The following FBN2 variants were observed in gnomAD, a reference collection of about 807,000 sequenced individuals.
FBN2 encodes the protein fibrillin-2.
In FBN2, 105 loss-of-function variants were observed where a neutral mutation model predicts 355.6. The ratio of observed to expected loss-of-function variants is 0.30; its 90% CI spans 0.25 to 0.35. The LOEUF (loss-of-function observed/expected upper bound fraction) is 0.35, where lower values mean the gene tolerates loss of function less well. FBN2 is among the 10% of genes least tolerant of loss of function. The pLI, the probability that FBN2 is intolerant of heterozygous loss-of-function variation, is 1.00. For synonymous variants in FBN2, 1,350 were observed against 1,301.2 expected (o/e 1.04, Z -0.81); for missense variants, 3,280 against 3,758.7 (o/e 0.87, Z 3.33).
intron 7 of FBN2, 35 bp from the exon 8 acceptor site, chr5:128,408,834 A>T (rs1044288362): frequency 6.2e-7 from 1 of 1,612,970 alleles, no homozygotes; most frequent in Admixed American, 1.7e-5. Flanking sequence ...TGATTGAGAA[A>T]GGCCTTCATT....
intron 18 of FBN2, among the ~76,000 whole-genome samples, chr5:128,362,709 C>T (rs892767997): frequency 1.3e-5 from 2 of 152,150 alleles, no homozygotes; most frequent in African/African-American, 4.8e-5. Context: ...AGGTGATTCT[C>T]GCAGCTTGGT....
At chr5:128,436,382 G>C (rs1178887307) in intron 7 of FBN2, among the ~76,000 whole-genome samples, 1 of 152,034 alleles carries the variant, frequency 6.6e-6, no homozygotes, top group Non-Finnish European at 1.5e-5. Flanking sequence ...GTTTATAAAA[G>C]CATATATACT....
At position 128,312,737 on chromosome 5, in the gene FBN2, A is replaced by G. The variant is rs1238523514; in HGVS notation, c.4776T>C (p.Ser1592=). ...CGCCCACCCCGATCTCGGTGTTGCA[A>G]GACAGACTCCCATCTCCTCGAGGTC... is the stretch of plus-strand genomic sequence containing the variant. ...KFGPRGDGSL[S]CNTEIGVGVS... is the part of the protein sequence containing the mutation. Residue 1592 remains serine, a synonymous_variant, in exon 37 of 65, where the codon TCT becomes TCC. Transcript: ENST00000262464. 1 of 1,613,700 alleles carries G rather than the reference A, an allele frequency of 6.2e-7. No homozygotes were observed. The highest frequency in any genetic ancestry group is 2.2e-5 in the East Asian group (1 of 44,860).
chr5:128,431,196 G>C (rs1753617494), intron 7 of FBN2, among the ~76,000 whole-genome samples: 1 of 152,224 alleles, frequency 6.6e-6, no homozygotes. Context: ...CAAATTTATT[G>C]TTATCTTAGT....
intron 23 of FBN2, among the ~76,000 whole-genome samples, chr5:128,348,596 T>C (rs1751248402): frequency 1.3e-5 from 2 of 152,150 alleles, no homozygotes; most frequent in Admixed American, 6.5e-5. Flanking sequence ...TATTTATGCT[T>C]TGTCTACATG....
intron 25 of FBN2, among the ~76,000 whole-genome samples, chr5:128,339,431 GT>G (rs1206789187): frequency 6.6e-6 from 1 of 151,890 alleles, no homozygotes; most frequent in African/African-American, 2.4e-5. Context: ...CCTGGGCAAT[GT>G]AGGGAGACCC....
intron 15 of FBN2, 151 bp downstream of exon 15, chr5:128,374,477 T>C: frequency 9.3e-7 from 1 of 1,078,600 alleles, no homozygotes; most frequent in Non-Finnish European, 1.4e-6. Flanking sequence ...GTGACTGGCT[T>C]CTTTCACTTA....
intron 47 of FBN2, 115 bp from the exon 48 acceptor site, chr5:128,301,051 G>C (rs1749701847): frequency 4.3e-6 from 4 of 925,306 alleles, no homozygotes; most frequent in Non-Finnish European, 6.8e-6. Flanking sequence ...TGATCTACTG[G>C]GTCACCATGA....
chr5:128,309,229 C>G lies in FBN2; in HGVS notation c.5353+18G>C. ...TCACTGATGTGGCAGTCAGCAGATGCACGAGCCGTGTGCTTACCTGTTCCT... is the reference window on the plus strand; with the variant it reads ...TCACTGATGTGGCAGTCAGCAGATGGACGAGCCGTGTGCTTACCTGTTCCT... On this transcript the variant is annotated intron_variant, in intron 41 of 64. Transcript: ENST00000262464. The G allele has an allele frequency of 6.2e-7, 1 of 1,613,634 alleles. No individual in the cohort carries two copies.
chr5:128,395,424 C>T lies in FBN2; in HGVS notation c.1079-150G>A. On this transcript the variant is annotated intron_variant, in intron 8 of 64. Coordinates refer to ENST00000262464, the MANE Select transcript of FBN2 (RefSeq NM_001999.4). ...TTCTTCACTCTCTTAATATCTCAGA[C>T]ATTCATTGAGCCAGGGACAGAACAA... 5 of 886,134 alleles carry T rather than the reference C, an allele frequency of 5.6e-6. No individual in the cohort carries two copies. The Admixed American group carries it at 6.0e-5, about 11-fold the overall frequency. The allele number at this position is 886,134 out of a possible 1,614,324, so 54.9% of individuals were successfully genotyped here.
intron 8 of FBN2, among the ~76,000 whole-genome samples, chr5:128,405,965 C>T (rs571590769): frequency 5.3e-5 from 8 of 152,292 alleles, no homozygotes; most frequent in East Asian, 1.9e-4. Context: ...ACTCCCACGG[C>T]GACGTTTCTC....
At chr5:128,435,384 G>T (rs970958731) in intron 7 of FBN2, among the ~76,000 whole-genome samples, 2 of 152,204 alleles carry the variant, frequency 1.3e-5, no homozygotes, top group Admixed American at 6.5e-5. Context: ...CTTTTTAAAA[G>T]AATTTATTTA....
At chr5:128,380,974 T>G (rs1752218472) in intron 11 of FBN2, among the ~76,000 whole-genome samples, 1 of 151,674 alleles carries the variant, frequency 6.6e-6, no homozygotes. Flanking sequence ...TTATGGAGAA[T>G]GTTGATTATC....
chr5:128,522,316 G>T (rs59553087), intron 4 of FBN2, among the ~76,000 whole-genome samples: 5,873 of 152,128 alleles, frequency 0.039, 353 homozygotes, highest in African/African-American at 0.13. Context: ...AAAATTTCAC[G>T]GCATTTTTTC....
At chr5:128,503,240 G>A (rs1015599235) in intron 5 of FBN2, among the ~76,000 whole-genome samples, 2 of 152,202 alleles carry the variant, frequency 1.3e-5, no homozygotes, top group Non-Finnish European at 1.5e-5. Context: ...TCCCAGACAT[G>A]TGGAAATGTG....
intron 44 of FBN2, 98 bp downstream of exon 44, chr5:128,305,413 G>A: frequency 7.2e-7 from 1 of 1,395,402 alleles, no homozygotes; most frequent in South Asian, 1.2e-5. Flanking sequence ...CAGGTTAAGT[G>A]AGAAAATCTT....
Position 128,440,454 on chromosome 5 carries a change from A to C in FBN2, c.952+6027T>G, listed in dbSNP as rs374983497. Among the ~76,000 whole-genome samples, 80 of 152,298 alleles carry C rather than the reference A, an allele frequency of 5.3e-4. 1 individual carries two copies. The highest frequency in any genetic ancestry group is 1.9e-3 in the African/African-American group (77 of 41,568). On this transcript the variant is annotated intron_variant, in intron 7 of 64. Transcript: ENST00000262464. ...GCAGGCACCTGGCCAGAGCAGGAGA[A>C]AGAGAGACAGAAGGGGGAAGAGCTA...
At chr5:128,452,302 T>A (rs968478425) in intron 6 of FBN2, among the ~76,000 whole-genome samples, 1 of 152,174 alleles carries the variant, frequency 6.6e-6, no homozygotes, top group Non-Finnish European at 1.5e-5. Flanking sequence ...TTTCTTTAAA[T>A]TTTGAATTAT....
Position 128,464,710 on chromosome 5 carries a change from G to C in FBN2, c.826+14C>G, listed in dbSNP as rs1488356232. The C allele has an allele frequency of 6.2e-7, 1 of 1,611,536 alleles. No homozygotes were observed. Reference sequence around the variant, plus strand: ...AGGTCTGCGATGGTGTGCACAGGCAGACAGCTGACTCACCTTGGCAAGCTC... The same window carrying C: ...AGGTCTGCGATGGTGTGCACAGGCACACAGCTGACTCACCTTGGCAAGCTC... On this transcript the variant is annotated intron_variant, in intron 6 of 64. Transcript: ENST00000262464.
Sources: gnomAD v4.1 joint callset for allele counts (sites outside exome capture counted in the v4.1 genomes callset) on GRCh38, gnomAD v4.1.1 for gene constraint, MANE v1.5 for transcripts, NCBI Gene and HGNC (gene_info 2026-07-23, HGNC 2026-07-21) for gene names.